The following SERPING1 variants were observed in gnomAD, a reference collection of about 807,000 sequenced individuals.
SERPING1 encodes plasma protease C1 inhibitor.
SERPING1 carries 5 observed loss-of-function variants against 34.1 expected under a neutral mutation model. The ratio of observed to expected loss-of-function variants is 0.15; its 90% CI spans 0.08 to 0.31. The LOEUF (loss-of-function observed/expected upper bound fraction) is 0.31, where lower values mean the gene tolerates loss of function less well. Ranked by LOEUF, SERPING1 falls within the 10% of genes least tolerant of loss-of-function variation. The pLI is 1.00. For missense variants in SERPING1, 505 were observed against 609.5 expected (o/e 0.83, Z 1.81); for synonymous variants, 225 against 242.4 (o/e 0.93, Z 0.67).
intron 4 of SERPING1, among the ~76,000 whole-genome samples, chr11:57,602,826 G>A (rs1397248015): frequency 6.6e-6 from 1 of 151,660 alleles, no homozygotes; most frequent in Non-Finnish European, 1.5e-5. Context: ...CGGGCATGGT[G>A]GCTCTCATCT....
At chr11:57,604,330 G>A (rs1019899665) in intron 4 of SERPING1, among the ~76,000 whole-genome samples, 10 of 152,072 alleles carry the variant, frequency 6.6e-5, no homozygotes, top group Non-Finnish European at 1.2e-4. Flanking sequence ...TATTAAGTAG[G>A]TAATAATGAT....
At chr11:57,601,120 G>T (rs557665813) in intron 3 of SERPING1, among the ~76,000 whole-genome samples, 1 of 151,862 alleles carries the variant, frequency 6.6e-6, no homozygotes, top group Non-Finnish European at 1.5e-5. Flanking sequence ...AGAAAGCCAG[G>T]CCGGATGCGG....
Position 57,598,424 on chromosome 11 carries a change from A to G in SERPING1, c.51+103A>G, listed in dbSNP as rs1945312478. The stretch of plus-strand genomic sequence containing the variant: ...GGATTAACCCTTCAGGCTCCGGGGA[A>G]TGAGGAGAGCTCCTCTTGGGATCAT... On this transcript the variant is annotated intron_variant, in intron 2 of 7. Transcript: ENST00000278407. 5.4e-6 allele frequency: 6 copies of G among 1,120,852 alleles called. No individual in the cohort carries two copies. The highest frequency in any genetic ancestry group is 7.8e-6 in the Non-Finnish European group (6 of 773,348). The allele number at this position is 1,120,852 out of a possible 1,614,324, so 69.4% of individuals were successfully genotyped here.
chr11:57,598,274 G>A lies in SERPING1; in HGVS notation c.4G>A (p.Ala2Thr). The A allele has an allele frequency of 3.2e-6, 5 of 1,555,478 alleles. No individual in the cohort carries two copies. Among genetic ancestry groups the A allele is most frequent in the East Asian group, 2.4e-5 (1 of 41,782 alleles). Reference protein sequence around the residue: MASRLTLLTLLL... With the variant: MTSRLTLLTLLL... ...GTCCGCTGACGTCGCCGCCCAGATG[G>A]CCTCCAGGCTGACCCTGCTGACCCT... The change falls in exon 2 of 8, where the codon GCC becomes ACC. Residue 2 changes from alanine to threonine, a missense_variant. Transcript: ENST00000278407.
intron 2 of SERPING1, among the ~76,000 whole-genome samples, chr11:57,599,286 A>T (rs1056180571): frequency 1.3e-5 from 2 of 152,142 alleles, no homozygotes; most frequent in African/African-American, 4.8e-5. Flanking sequence ...GTCTCTGGAC[A>T]TTGCCAAATA....
At chr11:57,601,041 C>CA (rs1945342297) in intron 3 of SERPING1, among the ~76,000 whole-genome samples, 9 of 151,936 alleles carry the variant, frequency 5.9e-5, no homozygotes, top group Non-Finnish European at 8.8e-5. Flanking sequence ...ATCACTTTAA[C>CA]CTCTCTGAGC....
In SERPING1 at chr11:57,600,074, A is replaced by G. The variant is rs1945330207; in HGVS notation, c.247A>G (p.Thr83Ala). The change falls in exon 3 of 8, where the codon ACT (threonine) becomes GCT (alanine). Residue 83 changes from threonine to alanine, a missense_variant. By Grantham distance (58) the Thr-to-Ala change is moderately conservative. Coordinates refer to ENST00000278407, the MANE Select transcript of SERPING1 (RefSeq NM_000062.3). ...NSATKITANTTDEPTTQPTTE... is the reference protein window; with the variant it reads ...NSATKITANTADEPTTQPTTE... ...AGCCACCAAAATAACAGCTAATACCACTGATGAACCCACCACACAACCCAC... is the reference window on the plus strand; with the variant it reads ...AGCCACCAAAATAACAGCTAATACCGCTGATGAACCCACCACACAACCCAC... The G allele has an allele frequency of 6.2e-7, 1 of 1,613,774 alleles. No homozygotes were observed. Among genetic ancestry groups the G allele is most frequent in the Non-Finnish European group, 8.5e-7 (1 of 1,179,846 alleles).
intron 2 of SERPING1, among the ~76,000 whole-genome samples, chr11:57,598,973 C>T (rs75731438): frequency 1.1e-4 from 17 of 152,084 alleles, no homozygotes; most frequent in African/African-American, 3.9e-4. Flanking sequence ...ATCACATACT[C>T]AGCAGATGAT....
chr11:57,610,004 A>T (rs979432587), intron 6 of SERPING1, among the ~76,000 whole-genome samples: 13 of 152,176 alleles, frequency 8.5e-5, no homozygotes, highest in African/African-American at 3.1e-4. Context: ...TCATCCTAAC[A>T]CCTAAAGCTC....
Position 57,606,121 on chromosome 11 carries a change from T to C in SERPING1, c.797T>C (p.Val266Ala). 1 of 1,614,088 alleles carries C rather than the reference T, an allele frequency of 6.2e-7. No individual in the cohort carries two copies. The highest frequency in any genetic ancestry group is 8.5e-7 in the Non-Finnish European group (1 of 1,180,012). The change falls in exon 5 of 8, where the codon GTG becomes GCG. Residue 266 changes from valine (V) to alanine (A), a missense_variant. Physicochemically the swap from Val to Ala is moderately conservative, Grantham distance 64 (BLOSUM62 0). Coordinates refer to ENST00000278407, the MANE Select transcript of SERPING1 (RefSeq NM_000062.3). ...DANLELINTWVAKNTNNKISR... is the reference protein window; with the variant it reads ...DANLELINTWAAKNTNNKISR... ...AACTTGGAGCTCATCAACACCTGGG[T>C]GGCCAAGAACACCAACAACAAGATC...
intron 1 of SERPING1, chr11:57,597,979 C>A (rs1329513450): frequency 2.0e-6 from 1 of 500,116 alleles, no homozygotes; most frequent in African/African-American, 2.0e-5. Context: ...ACCCCCTCCC[C>A]CTCCCACCAC....
chr11:57,598,297 C>T lies in SERPING1; in HGVS notation c.27C>T (p.Thr9=), dbSNP rs1393145109. The change falls in exon 2 of 8, where the codon ACC becomes ACT. Residue 9 remains threonine, a synonymous_variant. Coordinates refer to ENST00000278407, the MANE Select transcript of SERPING1 (RefSeq NM_000062.3). The part of the protein sequence containing the change: MASRLTLL[T]LLLLLLAGDR... ...TGGCCTCCAGGCTGACCCTGCTGAC[C>T]CTCCTGCTGCTGCTGCTGGCTGGGG... 4.5e-6 allele frequency: 7 copies of T among 1,564,574 alleles called. No individual in the cohort carries two copies. In the East Asian group the frequency reaches 7.1e-5, roughly 16 times the overall value.
intron 1 of SERPING1, 191 bp from the exon 2 acceptor site, chr11:57,598,058 G>T (rs1054546604): frequency 5.3e-6 from 3 of 570,374 alleles, no homozygotes; most frequent in African/African-American, 3.8e-5. Flanking sequence ...GCCGGTGCCG[G>T]GAAAGGGAAG....
At chr11:57,605,878 A>AC in intron 4 of SERPING1, 132 bp from the exon 5 acceptor site, 1 of 883,786 alleles carries the variant, frequency 1.1e-6, no homozygotes, top group South Asian at 1.3e-5. Flanking sequence ...AGTGGGCTGG[A>AC]CCGCGCTCCA....
At position 57,611,829 on chromosome 11, in the gene SERPING1, C is replaced by T. The variant is rs779296414; in HGVS notation, c.1142C>T (p.Ala381Val). Residue 381 changes from alanine to valine, a missense_variant, in exon 7 of 8, where the codon GCC (alanine) becomes GTC (valine). Coordinates refer to ENST00000278407, the MANE Select transcript of SERPING1 (RefSeq NM_000062.3). ...GCTCTCAGCCCTTCTGTTTTCAAGG[C>T]CATCATGGAGAAACTGGAGATGTCC... Reference protein sequence around the residue: ...EQALSPSVFKAIMEKLEMSKF... With the variant: ...EQALSPSVFKVIMEKLEMSKF... 2.5e-6 allele frequency: 4 copies of T among 1,614,138 alleles called. No homozygotes were observed. Among genetic ancestry groups the T allele is most frequent in the Non-Finnish European group, 3.4e-6 (4 of 1,180,002 alleles).
At chr11:57,602,274 A>G (rs1320042092) in intron 4 of SERPING1, 105 bp downstream of exon 4, 18 of 1,371,750 alleles carry the variant, frequency 1.3e-5, no homozygotes, top group Non-Finnish European at 1.9e-5. Flanking sequence ...TGTTGGAGCT[A>G]CAGTATCAGG....
rs371834047 is a variant in SERPING1 at position 57,600,289 on chromosome 11, C to T, written c.462C>T (p.Tyr154=). Residue 154 remains tyrosine (Y), a synonymous_variant, in exon 3 of 8, where the codon TAC becomes TAT. Coordinates refer to ENST00000278407, the MANE Select transcript of SERPING1 (RefSeq NM_000062.3). ...DALVDFSLKL[Y]HAFSAMKKVE... ...TGGTAGATTTCTCCCTGAAGCTCTA[C>T]CACGCCTTCTCAGCAATGAAGAAGG... 3 of 1,613,924 alleles carry T rather than the reference C, an allele frequency of 1.9e-6. No homozygotes were observed. Among genetic ancestry groups the T allele is most frequent in the African/African-American group, 2.7e-5 (2 of 74,902 alleles).
chr11:57,598,141 G>T (rs890700546), intron 1 of SERPING1, 108 bp from the exon 2 acceptor site: 3 of 800,804 alleles, frequency 3.7e-6, no homozygotes, highest in African/African-American at 1.7e-5. Context: ...GAGGGAATTC[G>T]CTAAGAGGGA....
chr11:57,602,056 C>T lies in SERPING1; in HGVS notation c.572C>T (p.Thr191Ile), dbSNP rs1347573293. ...VLLGAGENTKTNLESILSYPK... is the reference protein window; with the variant it reads ...VLLGAGENTKINLESILSYPK... ...GCAGGGGCTGGGGAGAACACCAAAA[C>T]AAACCTGGAGAGCATCCTCTCTTAC... Residue 191 changes from threonine (T) to isoleucine (I), a missense_variant, in exon 4 of 8, where the codon ACA becomes ATA. Physicochemically the swap from Thr to Ile is moderately conservative, Grantham distance 89. Transcript: ENST00000278407. 1.2e-6 allele frequency: 2 copies of T among 1,614,132 alleles called. No homozygotes were observed. Among genetic ancestry groups the T allele is most frequent in the South Asian group, 2.2e-5 (2 of 91,082 alleles).
Sources: allele counts gnomAD v4.1 joint callset (sites outside exome capture counted in the v4.1 genomes callset), GRCh38; gene constraint gnomAD v4.1.1; transcripts MANE v1.5; gene names NCBI Gene and HGNC (gene_info 2026-07-23, HGNC 2026-07-21).